Variants in ASTN2 observed in about 807,000 individuals in gnomAD.
ASTN2 encodes the protein astrotactin 2, also known as astrotactin-2.
A neutral mutation model predicts 139.8 loss-of-function variants in ASTN2; 54 were observed. The ratio of observed to expected loss-of-function variants is 0.39; its 90% CI spans 0.31 to 0.48. The LOEUF is 0.48. ASTN2 is among the 20% of genes least tolerant of loss of function. The probability of loss-of-function intolerance (pLI) is 0.95; values close to 1 mark genes in which losing one functional copy is unlikely to be tolerated. For missense variants in ASTN2, 1,565 were observed against 1,725.1 expected (o/e 0.91, Z 1.64); for synonymous variants, 756 against 719.5 (o/e 1.05, Z -0.81).
chr9:116,490,650 A>G (rs1441450384), intron 19 of ASTN2, among the ~76,000 whole-genome samples: 3 of 152,198 alleles, frequency 2.0e-5, no homozygotes, highest in African/African-American at 7.2e-5. Context: ...ACCTCTTCAC[A>G]GGGTGGCAGG....
At chr9:116,913,720 G>C (rs932976339) in intron 10 of ASTN2, among the ~76,000 whole-genome samples, 1 of 152,054 alleles carries the variant, frequency 6.6e-6, no homozygotes, top group Non-Finnish European at 1.5e-5. Context: ...TTCTGCATTC[G>C]TAATTGGGGA....
At chr9:116,528,788 G>T (rs1023752248) in intron 19 of ASTN2, among the ~76,000 whole-genome samples, 24 of 152,236 alleles carry the variant, frequency 1.6e-4, no homozygotes, top group Middle Eastern at 3.4e-3. Context: ...GGCTAAAAGG[G>T]GCCAAGGTAT....
At chr9:116,847,024 A>C (rs1217526126) in intron 11 of ASTN2, among the ~76,000 whole-genome samples, 5 of 121,128 alleles carry the variant, frequency 4.1e-5, no homozygotes, top group African/African-American at 1.4e-4. Flanking sequence ...AAAAAAAAAA[A>C]AACAAAAAAC....
intron 20 of ASTN2, among the ~76,000 whole-genome samples, chr9:116,471,043 A>G (rs1463853332): frequency 6.6e-6 from 1 of 152,136 alleles, no homozygotes; most frequent in Admixed American, 6.5e-5. Flanking sequence ...TTTTAAAATG[A>G]TTTTTTAAAT....
intron 4 of ASTN2, among the ~76,000 whole-genome samples, chr9:117,128,734 C>A (rs528419716): frequency 1.3e-5 from 2 of 152,294 alleles, no homozygotes; most frequent in African/African-American, 4.8e-5. Flanking sequence ...AAAGACATAC[C>A]TGAGACTGGG....
At chr9:116,904,259 C>T (rs1279176415) in intron 10 of ASTN2, among the ~76,000 whole-genome samples, 2 of 152,124 alleles carry the variant, frequency 1.3e-5, no homozygotes, top group East Asian at 3.9e-4. Flanking sequence ...GACACAGGAG[C>T]ATCAGGGGTT....
rs1837415847 is a variant in ASTN2 at position 117,008,227 on chromosome 9, G to C, written c.1456C>G (p.Leu486Val). ...SSFVVSEGSY[L>V]DISDWLNPAK... ...GGGTTTAACCAGTCGGAGATGTCCA[G>C]GTAGCTCCCTTCACTCACCACGAAG... The change falls in exon 7 of 23, where the codon CTG (leucine) becomes GTG (valine). Residue 486 changes from leucine to valine, a missense_variant. Physicochemically the swap from Leu to Val is conservative, Grantham distance 32. This residue lies in a region of ASTN2 where 503 missense variants were observed against 591.7 expected (regional missense o/e 0.85). Coordinates refer to ENST00000313400, the MANE Select transcript of ASTN2 (RefSeq NM_001365068.1). 1 of 1,607,422 alleles carries C rather than the reference G, an allele frequency of 6.2e-7. No individual in the cohort carries two copies. The highest frequency in any genetic ancestry group is 8.5e-7 in the Non-Finnish European group (1 of 1,176,922).
At chr9:117,199,871 A>C (rs923582088) in intron 3 of ASTN2, among the ~76,000 whole-genome samples, 1 of 151,614 alleles carries the variant, frequency 6.6e-6, no homozygotes, top group Admixed American at 6.6e-5. Context: ...ATTCCTAGGT[A>C]TTTTATTCTC....
chr9:116,698,920 A>G lies in ASTN2; in HGVS notation c.2806+26851T>C, dbSNP rs886044206. On this transcript the variant is annotated intron_variant, in intron 16 of 22. Coordinates refer to ENST00000313400, the MANE Select transcript of ASTN2 (RefSeq NM_001365068.1). This position sits in a 1 kb window ranked among gnomAD's most constrained non-coding sequence, Gnocchi z 4.4. ...GTACTAGTCGCTGACCGTGGTAACT[A>G]TCGTATACAAGTCTTTACCCGCAAA... 1.2e-6 allele frequency: 2 copies of G among 1,614,170 alleles called. No individual in the cohort carries two copies. Among genetic ancestry groups the G allele is most frequent in the Non-Finnish European group, 1.7e-6 (2 of 1,180,038 alleles).
At chr9:116,448,877 G>C (rs535320850) in intron 20 of ASTN2, among the ~76,000 whole-genome samples, 1 of 152,156 alleles carries the variant, frequency 6.6e-6, no homozygotes, top group Admixed American at 6.5e-5. Flanking sequence ...ATGGATTTTT[G>C]ATGGGAAGAC....
chr9:116,816,333 T>G (rs1831328323), intron 12 of ASTN2, among the ~76,000 whole-genome samples: 2 of 152,156 alleles, frequency 1.3e-5, no homozygotes, highest in Non-Finnish European at 2.9e-5. Flanking sequence ...TCTACAGGCT[T>G]TAGCTTAGTG....
chr9:117,063,366 T>C (rs941145619), intron 5 of ASTN2, among the ~76,000 whole-genome samples: 1 of 152,174 alleles, frequency 6.6e-6, no homozygotes, highest in African/African-American at 2.4e-5. Context: ...CAGTGGGAGA[T>C]AATTGAATCA....
intron 19 of ASTN2, among the ~76,000 whole-genome samples, chr9:116,542,621 G>T (rs1316698507): frequency 6.6e-6 from 1 of 152,128 alleles, no homozygotes; most frequent in East Asian, 1.9e-4. Flanking sequence ...TCAAAATGTT[G>T]TTTTAAGACT....
At chr9:116,617,599 A>T (rs1855918829) in intron 19 of ASTN2, among the ~76,000 whole-genome samples, 1 of 152,122 alleles carries the variant, frequency 6.6e-6, no homozygotes, top group African/African-American at 2.4e-5. Context: ...ATAATCACTA[A>T]CTCTCCTAAA....
intron 4 of ASTN2, among the ~76,000 whole-genome samples, chr9:117,106,339 G>C (rs561480693): frequency 6.6e-6 from 1 of 151,884 alleles, no homozygotes; most frequent in Admixed American, 6.6e-5. Context: ...CTATTCTTGT[G>C]CGTCAGCCCC....
At chr9:116,662,348 G>A (rs767963772) in intron 16 of ASTN2, among the ~76,000 whole-genome samples, 10 of 152,100 alleles carry the variant, frequency 6.6e-5, no homozygotes, top group East Asian at 1.9e-4. Flanking sequence ...TAAGGTGGGC[G>A]GATCACCTGA....
intron 1 of ASTN2, among the ~76,000 whole-genome samples, chr9:117,381,505 G>A (rs1017419458): frequency 6.6e-6 from 1 of 152,094 alleles, no homozygotes; most frequent in African/African-American, 2.4e-5. Flanking sequence ...CGGAGTTCTT[G>A]TGAGATATGA....
At chr9:116,767,233 G>A (rs1024438751) in intron 13 of ASTN2, among the ~76,000 whole-genome samples, 2 of 152,002 alleles carry the variant, frequency 1.3e-5, no homozygotes, top group African/African-American at 2.4e-5. Flanking sequence ...ATGGGAACCC[G>A]CCCCTTCCCT....
chr9:116,618,394 C>G lies in ASTN2; in HGVS notation c.3285G>C (p.Gly1095=). The G allele has an allele frequency of 1.2e-6, 2 of 1,614,136 alleles. No individual in the cohort carries two copies. The highest frequency in any genetic ancestry group is 1.7e-6 in the Non-Finnish European group (2 of 1,179,982). ...GCAGAATATAGTCGGAGACCTTGGT[C>G]CCAATAGCTGGCTGAACATCCACCC... ...LEWVDVQPAI[G]TKVSDYILQH... The change falls in exon 19 of 23, where the codon GGG becomes GGC. Residue 1095 remains glycine (G), a synonymous_variant. Transcript: ENST00000313400.
Sources: gnomAD v4.1 joint callset for allele counts (sites outside exome capture counted in the v4.1 genomes callset) on GRCh38, gnomAD v4.1.1 for gene constraint, gnomAD v4.1.1 regional missense constraint, Gnocchi (gnomAD v3.1) non-coding constraint, MANE v1.5 for transcripts, NCBI Gene and HGNC (gene_info 2026-07-23, HGNC 2026-07-21) for gene names.